The following PRRC2C variants were observed in gnomAD, a reference collection of about 807,000 sequenced individuals.
The protein encoded by PRRC2C is proline rich coiled-coil 2C.
A neutral mutation model predicts 317.2 loss-of-function variants in PRRC2C; 72 were observed. The observed-to-expected ratio is 0.23, with a 90% CI of 0.19 to 0.28. The LOEUF is 0.28. Among genes scored for constraint, PRRC2C ranks in the 10% least tolerant of loss-of-function variants. PRRC2C has a pLI of 1.00. For missense variants in PRRC2C, 3,074 were observed against 3,459.7 expected (o/e 0.89, Z 2.80); for synonymous variants, 1,296 against 1,205.9 (o/e 1.07, Z -1.55).
intron 1 of PRRC2C, among the ~76,000 whole-genome samples, chr1:171,493,416 C>G (rs1275652263): frequency 1.3e-5 from 2 of 152,188 alleles, no homozygotes; most frequent in African/African-American, 4.8e-5. Flanking sequence ...AGGAGGATCA[C>G]TTGAGCTCAA....
At chr1:171,547,967 A>G (rs1045527790) in intron 17 of PRRC2C, among the ~76,000 whole-genome samples, 40 of 149,266 alleles carry the variant, frequency 2.7e-4, no homozygotes, top group African/African-American at 9.4e-4. Context: ...TCAAGTTTCT[A>G]TTAGAAAAAT....
rs776264031 is a variant in PRRC2C at position 171,496,888 on chromosome 1, A to G, written c.-58+11153A>G. On this transcript the variant is annotated intron_variant, in intron 1 of 34. Transcript: ENST00000647382. Reference sequence around the variant, plus strand: ...CAATCATTGGCTCACTGTAGCCTCAACCTCCCAGGCTCAAGCGATCCTCCT... The same window carrying G: ...CAATCATTGGCTCACTGTAGCCTCAGCCTCCCAGGCTCAAGCGATCCTCCT... Among the ~76,000 whole-genome samples the G allele has an allele frequency of 3.3e-5, 5 of 150,798 alleles. No individual in the cohort carries two copies. In the South Asian group the frequency reaches 6.3e-4, roughly 19 times the overall value.
In PRRC2C at chr1:171,540,280, C is replaced by T. The variant is rs750636127; in HGVS notation, c.2814C>T (p.Asp938=). 7.4e-6 allele frequency: 12 copies of T among 1,613,634 alleles called. No homozygotes were observed. The East Asian group carries it at 8.9e-5, about 12-fold the overall frequency. The change falls in exon 16 of 35, where the codon GAC becomes GAT. Residue 938 remains aspartate (D), a synonymous_variant. Coordinates refer to ENST00000647382, the MANE Select transcript of PRRC2C (RefSeq NM_001387844.1). ...SHGSNHTQKP[D]EQRSEPSAGI... is the part of the protein sequence containing the mutation. ...GATCTAACCATACGCAAAAACCAGACGAGCAGAGAAGTGAACCATCTGCAG... is the reference window on the plus strand; with the variant it reads ...GATCTAACCATACGCAAAAACCAGATGAGCAGAGAAGTGAACCATCTGCAG...
At chr1:171,510,274 C>G (rs1344271520) in intron 1 of PRRC2C, 1 of 152,188 alleles carries the variant, frequency 6.6e-6, no homozygotes, top group African/African-American at 2.4e-5. Context: ...CATGATGTTG[C>G]TTTCTCTCTA....
Position 171,542,044 on chromosome 1 carries a change from T to C in PRRC2C, c.4578T>C (p.Val1526=). 1.2e-6 allele frequency: 2 copies of C among 1,613,666 alleles called. No homozygotes were observed. Among genetic ancestry groups the C allele is most frequent in the Non-Finnish European group, 8.5e-7 (1 of 1,179,816 alleles). ...ATGCTGACTTGAATGCACAAACAGTTGTAAAGGTTGGAGAGAATGTTCTAC... is the reference window on the plus strand; with the variant it reads ...ATGCTGACTTGAATGCACAAACAGTCGTAAAGGTTGGAGAGAATGTTCTAC... ...KKNADLNAQT[V]VKVGENVLPP... Residue 1526 remains valine, a synonymous_variant, in exon 16 of 35, where the codon GTT becomes GTC. Coordinates refer to ENST00000647382, the MANE Select transcript of PRRC2C (RefSeq NM_001387844.1).
intron 1 of PRRC2C, among the ~76,000 whole-genome samples, chr1:171,501,952 C>T (rs1358550384): frequency 6.6e-6 from 1 of 152,094 alleles, no homozygotes; most frequent in Non-Finnish European, 1.5e-5. Flanking sequence ...CCATTAAAAC[C>T]TTTTTTGTTT....
intron 1 of PRRC2C, 88 bp from the exon 2 acceptor site, chr1:171,511,944 G>T: frequency 2.0e-6 from 1 of 512,034 alleles, no homozygotes; most frequent in Non-Finnish European, 3.6e-6. Context: ...AATTATCATT[G>T]ATATGGGAAG....
rs1185327755 is a variant in PRRC2C at position 171,532,470 on chromosome 1, T to G, written c.1382T>G (p.Val461Gly). 6.2e-7 allele frequency: 1 copy of G among 1,613,340 alleles called. No homozygotes were observed. The highest frequency in any genetic ancestry group is 8.5e-7 in the Non-Finnish European group (1 of 1,179,668). Residue 461 changes from valine to glycine, a missense_variant, in exon 12 of 35, where the codon GTA becomes GGA. Physicochemically the swap from Val to Gly is moderately radical, Grantham distance 109. Coordinates refer to ENST00000647382, the MANE Select transcript of PRRC2C (RefSeq NM_001387844.1). ...RRQQSEISAAVERARKRREEE... is the reference protein window; with the variant it reads ...RRQQSEISAAGERARKRREEE... ...CAACAATCAGAAATTTCTGCAGCAG[T>G]AGAACGTGCTCGTAAACGGCGTGAA...
At chr1:171,515,536 A>C (rs1436196004) in intron 4 of PRRC2C, among the ~76,000 whole-genome samples, 198 bp from the exon 5 acceptor site, 1 of 152,178 alleles carries the variant, frequency 6.6e-6, no homozygotes, top group African/African-American at 2.4e-5. Flanking sequence ...ACTGTCTTAG[A>C]CTTTCATCTC....
intron 1 of PRRC2C, among the ~76,000 whole-genome samples, chr1:171,487,113 G>T (rs965471340): frequency 4.6e-5 from 7 of 152,230 alleles, no homozygotes; most frequent in African/African-American, 1.7e-4. Context: ...ATGTGTGGCT[G>T]TTCTCCATTA....
Position 171,558,067 on chromosome 1 carries a change from A to G in PRRC2C, c.5955A>G (p.Ser1985=), listed in dbSNP as rs763316128. ...ASGKSIQTPQ[S]HGTLTAELWD... ...GAAAATCCATCCAGACCCCACAGTC[A>G]CATGGCACTCTGACAGCTGAATTAT... Residue 1985 remains serine, a synonymous_variant, in exon 19 of 35, where the codon TCA becomes TCG. Transcript: ENST00000647382. 1.9e-6 allele frequency: 3 copies of G among 1,613,936 alleles called. No individual in the cohort carries two copies. Among genetic ancestry groups the G allele is most frequent in the Admixed American group, 3.3e-5 (2 of 60,004 alleles).
At chr1:171,573,913 G>C (rs1338899428) in intron 24 of PRRC2C, among the ~76,000 whole-genome samples, 1 of 151,750 alleles carries the variant, frequency 6.6e-6, no homozygotes, top group Non-Finnish European at 1.5e-5. Context: ...TTCTGACCTC[G>C]TGATCCGCCT....
chr1:171,570,546 G>A (rs1684612609), intron 23 of PRRC2C, among the ~76,000 whole-genome samples: 1 of 152,124 alleles, frequency 6.6e-6, no homozygotes. Flanking sequence ...AAACTCTCAA[G>A]CATCCCAGTT....
rs918706091 is a variant in PRRC2C at position 171,557,399 on chromosome 1, T to C, written c.5287T>C (p.Ser1763Pro). 8.4e-6 allele frequency: 13 copies of C among 1,550,130 alleles called. No individual in the cohort carries two copies. The Admixed American group carries it at 2.4e-4, about 28-fold the overall frequency. Residue 1763 changes from serine to proline, a missense_variant, in exon 19 of 35, where the codon TCA becomes CCA. Physicochemically the swap from Ser to Pro is moderately conservative, Grantham distance 74 (BLOSUM62 -1). Transcript: ENST00000647382. ...TCCACTTCCACCTTCAACCTCAGCT[T>C]CAGTTCCAGCCTCAACCTCAGCTCC... is the stretch of plus-strand genomic sequence containing the variant. ...SAPLPPSTSA[S>P]VPASTSAPLP...
intron 6 of PRRC2C, among the ~76,000 whole-genome samples, chr1:171,518,148 A>G (rs549286386): frequency 6.6e-6 from 1 of 152,342 alleles, no homozygotes; most frequent in African/African-American, 2.4e-5. Flanking sequence ...AGATATTTTC[A>G]TATCACATTA....
chr1:171,584,270 C>A (rs956929524), intron 29 of PRRC2C, 83 bp downstream of exon 29: 10 of 1,397,164 alleles, frequency 7.2e-6, no homozygotes, highest in Non-Finnish European at 9.8e-6. Flanking sequence ...TAAAAGAAAA[C>A]ATGTTAGAAG....
At chr1:171,583,295 GTTTTTTAA>G (rs1266048885) in intron 28 of PRRC2C, among the ~76,000 whole-genome samples, 2 of 151,874 alleles carry the variant, frequency 1.3e-5, no homozygotes, top group Non-Finnish European at 2.9e-5. Context: ...ACGTTTTTCT[GTTTTTTAA>G]TTTTTTAATT....
intron 17 of PRRC2C, among the ~76,000 whole-genome samples, chr1:171,548,400 A>G (rs143022512): frequency 2.0e-4 from 30 of 152,308 alleles, no homozygotes; most frequent in Non-Finnish European, 3.5e-4. Context: ...GATCATACCT[A>G]TGTTGCCATA....
intron 16 of PRRC2C, 87 bp from the exon 17 acceptor site, chr1:171,545,392 G>A: frequency 8.9e-7 from 1 of 1,123,848 alleles, no homozygotes; most frequent in Non-Finnish European, 1.3e-6. Flanking sequence ...TTTCATCTTA[G>A]AATGAACTTT....
Sources: gnomAD v4.1 joint callset for allele counts (sites outside exome capture counted in the v4.1 genomes callset) on GRCh38, gnomAD v4.1.1 for gene constraint, MANE v1.5 for transcripts, NCBI Gene and HGNC (gene_info 2026-07-23, HGNC 2026-07-21) for gene names.